PEX26: variants seen among roughly 807,000 people sequenced by gnomAD.
The protein encoded by PEX26 is peroxisome assembly protein 26.
PEX26 carries 18 observed loss-of-function variants against 31.4 expected under a neutral mutation model. The observed-to-expected ratio is 0.57, with a 90% confidence interval of 0.40 to 0.85. The LOEUF (loss-of-function observed/expected upper bound fraction) is 0.85. Ranked by LOEUF, PEX26 falls within the 40% of genes least tolerant of loss-of-function variation. The pLI is 0.00. For missense variants in PEX26, 377 were observed against 383.9 expected (o/e 0.98, Z 0.15); for synonymous variants, 176 against 166.9 (o/e 1.05, Z -0.42).
chr22:18,088,803 A>G lies in PEX26; in HGVS notation c.*728A>G, dbSNP rs368803971. ...ACAGTACCTTAATTAGCTAGAGTAG[A>G]TCTGAGAGGGCCTCTTCTTGCCTGC... is the stretch of plus-strand genomic sequence containing the variant. On this transcript the variant is annotated 3_prime_UTR_variant, in exon 5 of 5. Coordinates refer to ENST00000399744, the MANE Select transcript of PEX26 (RefSeq NM_001127649.3). This position sits in a 1 kb window ranked among gnomAD's most constrained non-coding sequence, Gnocchi z 4.1. 6.3e-5 allele frequency: 10 copies of G among 159,026 alleles called. No individual in the cohort carries two copies. Among genetic ancestry groups the G allele is most frequent in the African/African-American group, 2.2e-4 (9 of 41,518 alleles). 9.9% of individuals were successfully genotyped at this position (159,026 alleles called of 1,614,324 possible). A position where few individuals can be genotyped will look rare whatever the true frequency, so the allele number is the denominator to read the frequency against.
rs1926355156 is a variant in PEX26 at position 18,077,995 on chromosome 22, G to A, written c.-382G>A. The A allele has an allele frequency of 6.9e-6, 3 of 432,056 alleles. No homozygotes were observed. The highest frequency in any genetic ancestry group is 1.4e-5 in the Non-Finnish European group (3 of 221,436). 26.8% of individuals were successfully genotyped at this position (432,056 alleles called of 1,614,324 possible). A position where few individuals can be genotyped will look rare whatever the true frequency, so the allele number is the denominator to read the frequency against. On this transcript the variant is annotated 5_prime_UTR_variant, in exon 1 of 5. Transcript: ENST00000399744. Reference sequence around the variant, plus strand: ...CTCCGCGCCGCCGGGACGCCGCGCGGCTGCGGGGCTGGGCGAGCGCAAAGA... The same window carrying A: ...CTCCGCGCCGCCGGGACGCCGCGCGACTGCGGGGCTGGGCGAGCGCAAAGA...
Position 18,085,871 on chromosome 22 carries a change from CAAAACAA to C in PEX26, c.814+632_814+638del, listed in dbSNP as rs543906691. Among the ~76,000 whole-genome samples the C allele has an allele frequency of 1.1e-3, 167 of 150,440 alleles. 1 individual carries two copies. The highest frequency in any genetic ancestry group is 2.1e-3 in the Admixed American group (32 of 15,140). ...TGGGCAATAGAGCGAGACTCTGTCT[CAAAACAA>C]AAAACAAAAAACAAAAAAACTTCCG... On this transcript the variant is annotated intron_variant, in intron 4 of 4. Transcript: ENST00000399744.
In PEX26 at chr22:18,094,830, G is replaced by C. The variant is rs1414901126; in HGVS notation, c.*6755G>C. On this transcript the variant is annotated 3_prime_UTR_variant, in exon 5 of 5. Transcript: ENST00000399744. The stretch of plus-strand genomic sequence containing the variant: ...AATCTTGCTCTTGTCACCTAGGCTG[G>C]AGTGCAGTGGTGCGATCTCGGCTCA... The C allele has an allele frequency of 5.3e-5, 8 of 150,058 alleles. No homozygotes were observed. Among genetic ancestry groups the C allele is most frequent in the African/African-American group, 9.9e-5 (4 of 40,586 alleles). 9.3% of individuals were successfully genotyped at this position (150,058 alleles called of 1,614,324 possible). A position where few individuals can be genotyped will look rare whatever the true frequency, so the allele number is the denominator to read the frequency against.
At chr22:18,080,088 C>T in intron 2 of PEX26, 74 bp downstream of exon 2, 3 of 1,487,250 alleles carry the variant, frequency 2.0e-6, no homozygotes, top group Non-Finnish European at 2.8e-6. Context: ...TAAATACCTA[C>T]TCTTTTCCCC....
chr22:18,092,685 T>A lies in PEX26; in HGVS notation c.*4610T>A. ...TTCCTGCAACTCCTGCTTCACAGAC[T>A]TTTTTTTTTTTTTTAACTTGGCATG... On this transcript the variant is annotated 3_prime_UTR_variant, in exon 5 of 5. Transcript: ENST00000399744. 3.3e-5 allele frequency: 1 copy of A among 30,238 alleles called. No individual in the cohort carries two copies. Among genetic ancestry groups the A allele is most frequent in the Admixed American group, 2.5e-4 (1 of 3,944 alleles). 1.9% of individuals were successfully genotyped at this position (30,238 alleles called of 1,614,324 possible). A position where few individuals can be genotyped will look rare whatever the true frequency, so the allele number is the denominator to read the frequency against.
rs1338121349 is a variant in PEX26 at position 18,078,304 on chromosome 22, G to C, written c.-73G>C. 2.7e-6 allele frequency: 3 copies of C among 1,104,770 alleles called. No individual in the cohort carries two copies. The East Asian group carries it at 7.5e-5, about 28-fold the overall frequency. The allele number at this position is 1,104,770 out of a possible 1,614,324, so 68.4% of individuals were successfully genotyped here. On this transcript the variant is annotated 5_prime_UTR_variant, in exon 1 of 5. Transcript: ENST00000399744. Reference sequence around the variant, plus strand: ...TCTCCCTCTTCGCCCAGGCCAACTCGGGATATCCCGGAGCCTCTGGGGAGG... The same window carrying C: ...TCTCCCTCTTCGCCCAGGCCAACTCCGGATATCCCGGAGCCTCTGGGGAGG...
In PEX26 at chr22:18,087,983, TC is replaced by T; in HGVS notation, c.829del (p.Leu277CysfsTer90). The part of the protein sequence containing the change: ...VVRFDPASPS[S>X]LHFLYKLAQL... ...CCTCTGCCCTGCAGCTTCCCCTTCC[TC>T]CCTGCACTTCCTCTACAAGCTGGCC... On this transcript the variant is annotated frameshift_variant, in exon 5 of 5. Coordinates refer to ENST00000399744, the MANE Select transcript of PEX26 (RefSeq NM_001127649.3). LOFTEE classifies it high-confidence loss of function. 3 of 1,611,740 alleles carry T rather than the reference TC, an allele frequency of 1.9e-6. No individual in the cohort carries two copies. Among genetic ancestry groups the T allele is most frequent in the East Asian group, 2.2e-5 (1 of 44,874 alleles).
rs562145736 is a variant in PEX26, at chr22:18,080,369, G to A, written c.371+355G>A. 7.3e-5 allele frequency among the ~76,000 whole-genome samples: 11 copies of A among 151,120 alleles called. No individual in the cohort carries two copies. In the South Asian group the frequency reaches 1.7e-3, roughly 23 times the overall value. ...TTTTGAGACGGAGTCTCGCCCTGTC[G>A]CCCAGGTTGGAGTGCAGTGGCACAG... On this transcript the variant is annotated intron_variant, in intron 2 of 4. Transcript: ENST00000399744.
chr22:18,081,193 A>G (rs1411315661), intron 2 of PEX26, among the ~76,000 whole-genome samples: 1 of 150,896 alleles, frequency 6.6e-6, no homozygotes, highest in African/African-American at 2.4e-5. Context: ...GTGTATATAT[A>G]TACACATATA....
rs1374077274 is a variant in PEX26 at position 18,077,991 on chromosome 22, C to G, written c.-386C>G. ...AGTACTCCGCGCCGCCGGGACGCCGCGCGGCTGCGGGGCTGGGCGAGCGCA... is the reference window on the plus strand; with the variant it reads ...AGTACTCCGCGCCGCCGGGACGCCGGGCGGCTGCGGGGCTGGGCGAGCGCA... On this transcript the variant is annotated 5_prime_UTR_variant, in exon 1 of 5. Coordinates refer to ENST00000399744, the MANE Select transcript of PEX26 (RefSeq NM_001127649.3). The G allele has an allele frequency of 2.4e-6, 1 of 423,304 alleles. No homozygotes were observed. Among genetic ancestry groups the G allele is most frequent in the African/African-American group, 2.1e-5 (1 of 48,544 alleles). The allele number at this position is 423,304 out of a possible 1,614,324, so 26.2% of individuals were successfully genotyped here.
rs1372857266 is a variant in PEX26, at chr22:18,091,901, C to A, written c.*3826C>A. 6.6e-6 allele frequency: 1 copy of A among 152,334 alleles called. No homozygotes were observed. Among genetic ancestry groups the A allele is most frequent in the Non-Finnish European group, 1.5e-5 (1 of 68,112 alleles). The allele number at this position is 152,334 out of a possible 1,614,324, so 9.4% of individuals were successfully genotyped here. On this transcript the variant is annotated 3_prime_UTR_variant, in exon 5 of 5. Transcript: ENST00000399744. ...ACGCAAGCCAGGCTGGCAACCACCA[C>A]TGCCGCCGAGGGGAGATACAAGCAG... is the stretch of plus-strand genomic sequence containing the variant.
chr22:18,079,852 A>T, intron 1 of PEX26, 22 bp from the exon 2 acceptor site: 1 of 1,613,838 alleles, frequency 6.2e-7, no homozygotes, highest in Middle Eastern at 1.7e-4. Flanking sequence ...CTTCTAACTG[A>T]AATTGGTTTT....
chr22:18,095,760 G>A lies in PEX26; in HGVS notation c.*7685G>A, dbSNP rs563325244. ...TAACCCCAATGGAGTAATTTGCTGC[G>A]TAAATGAGAGACATCATGGGATTGT... On this transcript the variant is annotated 3_prime_UTR_variant, in exon 5 of 5. Transcript: ENST00000399744. The A allele has an allele frequency of 1.3e-5, 2 of 149,020 alleles. No homozygotes were observed. The highest frequency in any genetic ancestry group is 2.0e-4 in the East Asian group (1 of 5,070). 9.2% of individuals were successfully genotyped at this position (149,020 alleles called of 1,614,324 possible).
In PEX26 at chr22:18,079,909, G is replaced by A; in HGVS notation, c.266G>A (p.Gly89Glu). 1.9e-6 allele frequency: 3 copies of A among 1,614,070 alleles called. No individual in the cohort carries two copies. Among genetic ancestry groups the A allele is most frequent in the Non-Finnish European group, 2.5e-6 (3 of 1,180,008 alleles). The change falls in exon 2 of 5, where the codon GGG becomes GAG. Residue 89 changes from glycine (G) to glutamate (E), a missense_variant. By Grantham distance (98) the Gly-to-Glu change is moderately conservative. Transcript: ENST00000399744. The stretch of plus-strand genomic sequence containing the variant: ...GTGAAGTGCTCCCTGTGTGTTGTGG[G>A]GATCCAGGCCCTGGCAGAAATGGAT... The part of the protein sequence containing the change: ...LEVKCSLCVV[G>E]IQALAEMDRW...
rs362143 is a variant in PEX26, at chr22:18,093,562, T to TAA, written c.*5500_*5501dup. On this transcript the variant is annotated 3_prime_UTR_variant, in exon 5 of 5. Transcript: ENST00000399744. The stretch of plus-strand genomic sequence containing the variant: ...TGGGGGACAGAGCAAGACTCCGTCT[T>TAA]AAAAAAAAAAAAAACAAAAATAAAC... 6.8e-3 allele frequency: 972 copies of TAA among 143,046 alleles called. 4 individuals are homozygous for TAA. The highest frequency in any genetic ancestry group is 9.2e-3 in the African/African-American group (355 of 38,652). 8.9% of individuals were successfully genotyped at this position (143,046 alleles called of 1,614,324 possible).
In PEX26 at chr22:18,079,975, A is replaced by G. The variant is rs1338950302; in HGVS notation, c.332A>G (p.Gln111Arg). 1 of 1,614,012 alleles carries G rather than the reference A, an allele frequency of 6.2e-7. No homozygotes were observed. The highest frequency in any genetic ancestry group is 1.3e-5 in the African/African-American group (1 of 74,916). The change falls in exon 2 of 5, where the codon CAG becomes CGG. Residue 111 changes from glutamine (Q) to arginine (R), a missense_variant. Coordinates refer to ENST00000399744, the MANE Select transcript of PEX26 (RefSeq NM_001127649.3). ...CTCTCCTGGGTCCTTCAGTATTACCAGGTCCCTGAAAAGCTACCCCCCAAA... is the reference window on the plus strand; with the variant it reads ...CTCTCCTGGGTCCTTCAGTATTACCGGGTCCCTGAAAAGCTACCCCCCAAA... ...EVLSWVLQYY[Q>R]VPEKLPPKVL... is the part of the protein sequence containing the mutation.
rs361947 is a variant in PEX26, at chr22:18,098,371, T to C, written c.*10296T>C. The C allele has an allele frequency of 0.99, 151,041 of 152,264 alleles. 74,919 individuals are homozygous for C. Among genetic ancestry groups the C allele is most frequent in the East Asian group, 1 (5,176 of 5,178 alleles). 9.4% of individuals were successfully genotyped at this position (152,264 alleles called of 1,614,324 possible). ...ACCTCCAAGATGGGGACAAAAATTATCTTCCTTGGCTGGGTGCGGTGGCTC... is the reference window on the plus strand; with the variant it reads ...ACCTCCAAGATGGGGACAAAAATTACCTTCCTTGGCTGGGTGCGGTGGCTC... On this transcript the variant is annotated 3_prime_UTR_variant, in exon 5 of 5. Transcript: ENST00000399744.
In PEX26 at chr22:18,101,869, T is replaced by C. The variant is rs749313071; in HGVS notation, c.*13794T>C. The C allele has an allele frequency of 2.0e-4, 32 of 162,142 alleles. No individual in the cohort carries two copies. The highest frequency in any genetic ancestry group is 1.3e-4 in the Admixed American group (2 of 15,528). The allele number at this position is 162,142 out of a possible 1,614,324, so 10.0% of individuals were successfully genotyped here. On this transcript the variant is annotated 3_prime_UTR_variant, in exon 5 of 5. Transcript: ENST00000399744. ...GAGAATTCGACAACGCCTGGCATGA[T>C]TGAGGGTGACACATCACGGCAGATG...
In PEX26 at chr22:18,099,963, G is replaced by A. The variant is rs1242920290; in HGVS notation, c.*11888G>A. ...CTTATTCCAAATAATGTCACATTCT[G>A]AGATTTTAGGCAAACATATCTTTGG... On this transcript the variant is annotated 3_prime_UTR_variant, in exon 5 of 5. Transcript: ENST00000399744. The A allele has an allele frequency of 6.6e-6, 1 of 152,156 alleles. No homozygotes were observed. Among genetic ancestry groups the A allele is most frequent in the Non-Finnish European group, 1.5e-5 (1 of 68,032 alleles). The allele number at this position is 152,156 out of a possible 1,614,324, so 9.4% of individuals were successfully genotyped here. A position where few individuals can be genotyped will look rare whatever the true frequency, so the allele number is the denominator to read the frequency against.
Sources: allele counts gnomAD v4.1 joint callset (sites outside exome capture counted in the v4.1 genomes callset), GRCh38; gene constraint gnomAD v4.1.1; non-coding constraint Gnocchi (gnomAD v3.1); transcripts MANE v1.5; gene names NCBI Gene and HGNC (gene_info 2026-07-23, HGNC 2026-07-21).